Variants in BAZ2B observed in about 807,000 individuals in gnomAD.
BAZ2B encodes bromodomain adjacent to zinc finger domain 2B.
BAZ2B carries 91 observed loss-of-function variants against 246.0 expected under a neutral mutation model. The observed-to-expected ratio is 0.37, with a 90% confidence interval of 0.31 to 0.44. BAZ2B has a LOEUF of 0.44. BAZ2B is among the 20% of genes least tolerant of loss of function. The pLI, the probability that BAZ2B is intolerant of heterozygous loss-of-function variation, is 1.00. For synonymous variants in BAZ2B, 855 were observed against 860.0 expected, an observed-to-expected ratio of 0.99 and a Z score of 0.10; for missense variants, 2,332 against 2,533.7, an observed-to-expected ratio of 0.92 and a Z score of 1.71.
chr2:159,711,398 A>G, the BAZ2B span, among the ~76,000 whole-genome samples: 4 of 152,342 alleles, frequency 2.6e-5, no homozygotes, highest in Admixed American at 2.6e-4. Context: ...ATAGTGAAAC[A>G]TGTACAGTCT....
intron 5 of BAZ2B, among the ~76,000 whole-genome samples, chr2:159,447,940 G>C (rs1328414619): frequency 6.6e-6 from 1 of 152,032 alleles, no homozygotes; most frequent in Non-Finnish European, 1.5e-5. Flanking sequence ...TGGAAACACA[G>C]AGACCCTGTT....
rs1440466663 is a variant in BAZ2B, at chr2:159,439,178, T to C, written c.731A>G (p.Asn244Ser). The C allele has an allele frequency of 1.2e-6, 2 of 1,613,914 alleles. No homozygotes were observed. Among genetic ancestry groups the C allele is most frequent in the Non-Finnish European group, 1.7e-6 (2 of 1,179,874 alleles). The change falls in exon 7 of 37, where the codon AAC (asparagine) becomes AGC (serine). Residue 244 changes from asparagine (N) to serine (S), a missense_variant. By Grantham distance (46) the Asn-to-Ser change is conservative (BLOSUM62 1). Around this residue, in one of 9 missense-constraint regions of BAZ2B, gnomAD observed 161 missense variants for 225.8 expected, o/e 0.71. Coordinates refer to ENST00000392783, the MANE Select transcript of BAZ2B (RefSeq NM_013450.4). ...PRKKAMESSS[N>S]SDSDSGTSSD... The stretch of plus-strand genomic sequence containing the variant: ...TGATGTGCCTGAATCACTATCACTG[T>C]TGCTAGAACTTTCCATTGCTTTCTT...
chr2:159,485,667 CAG>C (rs755494133), intron 2 of BAZ2B, among the ~76,000 whole-genome samples: 1 of 152,106 alleles, frequency 6.6e-6, no homozygotes, highest in Non-Finnish European at 1.5e-5. Flanking sequence ...AAGTTTCTAT[CAG>C]AGTTTTACAA....
At chr2:159,633,366 T>G in the BAZ2B span, among the ~76,000 whole-genome samples, 9 of 152,194 alleles carry the variant, frequency 5.9e-5, no homozygotes, top group African/African-American at 2.2e-4. Flanking sequence ...ATTTACTTAG[T>G]AAGGAATGAC....
chr2:159,683,488 TC>T, the BAZ2B span, among the ~76,000 whole-genome samples: 1 of 152,214 alleles, frequency 6.6e-6, no homozygotes, highest in East Asian at 1.9e-4. Context: ...ATAGAACAGT[TC>T]CATCACTCCA....
intron 3 of BAZ2B, among the ~76,000 whole-genome samples, chr2:159,458,085 G>A (rs1328850962): frequency 2.0e-5 from 3 of 152,062 alleles, no homozygotes; most frequent in Non-Finnish European, 2.9e-5. Flanking sequence ...TCAGCTTACT[G>A]CAACCTCTGC....
In BAZ2B at chr2:159,496,478, C is replaced by T. The variant is rs550793943; in HGVS notation, c.-2-17757G>A. ...CTCCAGCCTGAGCAACAGAGTGAGA[C>T]TCTGCAGGAAAAAAAAAAAAAAAAA... On this transcript the variant is annotated intron_variant, in intron 2 of 36. Transcript: ENST00000392783. 1.0e-4 allele frequency among the ~76,000 whole-genome samples: 14 copies of T among 135,552 alleles called. No individual in the cohort carries two copies. The South Asian group carries it at 3.4e-3, about 33-fold the overall frequency. 88.9% of individuals were successfully genotyped at this position (135,552 alleles called of 152,430 possible).
upstream of BAZ2B, among the ~76,000 whole-genome samples, chr2:159,619,461 ATAAT>A (rs1199678406): frequency 1.3e-5 from 2 of 151,746 alleles, no homozygotes; most frequent in Non-Finnish European, 2.9e-5. Flanking sequence ...ATGGAAATCA[ATAAT>A]TAACAAAATA....
the BAZ2B span, among the ~76,000 whole-genome samples, chr2:159,637,200 C>A: frequency 1.3e-5 from 2 of 152,150 alleles, no homozygotes; most frequent in Admixed American, 1.3e-4. Context: ...ACCTTAGGTA[C>A]CAGCTTGTAC....
In BAZ2B at chr2:159,426,482, T is replaced by C. The variant is rs530928382; in HGVS notation, c.2466+1459A>G. On this transcript the variant is annotated intron_variant, in intron 13 of 36. Transcript: ENST00000392783. Reference sequence around the variant, plus strand: ...CGTGTATACAGAATGTGTAACACTGTGGTTCACTAAAATTCTAAGAATCTG... The same window carrying C: ...CGTGTATACAGAATGTGTAACACTGCGGTTCACTAAAATTCTAAGAATCTG... Among the ~76,000 whole-genome samples the C allele has an allele frequency of 3.3e-5, 5 of 152,258 alleles. No individual in the cohort carries two copies. The South Asian group carries it at 8.3e-4, about 25-fold the overall frequency.
chr2:159,475,435 C>A (rs754097630), intron 3 of BAZ2B, among the ~76,000 whole-genome samples: 1 of 152,152 alleles, frequency 6.6e-6, no homozygotes, highest in Non-Finnish European at 1.5e-5. Flanking sequence ...TCTGGTTATT[C>A]TAGTTAGCAA....
intron 18 of BAZ2B, chr2:159,398,394 T>C (rs2064400662): frequency 6.5e-6 from 1 of 152,704 alleles, no homozygotes; most frequent in Non-Finnish European, 1.5e-5. Context: ...GATAAAACAG[T>C]TGCTGAATAT....
intron 1 of BAZ2B, among the ~76,000 whole-genome samples, chr2:159,580,585 C>G (rs549522157): frequency 6.6e-6 from 1 of 152,060 alleles, no homozygotes; most frequent in Non-Finnish European, 1.5e-5. Context: ...CATATGGAAC[C>G]AAAAAAGAGC....
intron 2 of BAZ2B, among the ~76,000 whole-genome samples, chr2:159,544,506 T>A (rs1437784209): frequency 6.6e-6 from 1 of 152,138 alleles, no homozygotes; most frequent in Non-Finnish European, 1.5e-5. Context: ...GAGGAGAAGG[T>A]TTCTGGAAAA....
At chr2:159,401,199 C>T (rs2065007476) in intron 16 of BAZ2B, among the ~76,000 whole-genome samples, 1 of 152,156 alleles carries the variant, frequency 6.6e-6, no homozygotes, top group Non-Finnish European at 1.5e-5. Context: ...TAAACAGAAA[C>T]TCAGTGAACC....
At chr2:159,483,163 A>C (rs2079431502) in intron 2 of BAZ2B, among the ~76,000 whole-genome samples, 1 of 152,126 alleles carries the variant, frequency 6.6e-6, no homozygotes, top group Non-Finnish European at 1.5e-5. Flanking sequence ...TTTTAACTTA[A>C]GGCCATTCAA....
chr2:159,518,639 T>G (rs762715605), intron 2 of BAZ2B, among the ~76,000 whole-genome samples: 1 of 152,180 alleles, frequency 6.6e-6, no homozygotes, highest in Non-Finnish European at 1.5e-5. Flanking sequence ...TCCCATCTTA[T>G]TCCAACATAA....
the BAZ2B span, among the ~76,000 whole-genome samples, chr2:159,632,962 A>C: frequency 6.6e-6 from 1 of 152,206 alleles, no homozygotes; most frequent in African/African-American, 2.4e-5. Context: ...TACCAGTAAG[A>C]CTACAGACAC....
intron 23 of BAZ2B, 75 bp downstream of exon 23, chr2:159,385,080 A>C (rs756303000): frequency 2.1e-6 from 3 of 1,444,812 alleles, no homozygotes; most frequent in Non-Finnish European, 2.9e-6. Flanking sequence ...AATTTTCTAT[A>C]ATCAATTTGT....
Sources: gnomAD v4.1 joint callset for allele counts (sites outside exome capture counted in the v4.1 genomes callset) on GRCh38, gnomAD v4.1.1 for gene constraint, gnomAD v4.1.1 regional missense constraint, MANE v1.5 for transcripts, NCBI Gene and HGNC (gene_info 2026-07-23, HGNC 2026-07-21) for gene names.